The following RREB1 variants were observed in gnomAD, a reference collection of about 807,000 sequenced individuals.
RREB1 encodes ras-responsive element-binding protein 1.
A neutral mutation model predicts 117.8 loss-of-function variants in RREB1; 27 were observed. That is an observed-to-expected ratio of 0.23 (90% CI 0.17 to 0.32). The LOEUF (loss-of-function observed/expected upper bound fraction) is 0.32. Among genes scored for constraint, RREB1 ranks in the 10% least tolerant of loss-of-function variants. The pLI, the probability that RREB1 is intolerant of heterozygous loss-of-function variation, is 1.00. For synonymous variants in RREB1, 1,298 were observed against 1,026.7 expected (o/e 1.26, Z -5.05); for missense variants, 2,577 against 2,378.2 (o/e 1.08, Z -1.74).
At chr6:7,163,178 C>G (rs1360825563) in intron 1 of RREB1, among the ~76,000 whole-genome samples, 1 of 152,206 alleles carries the variant, frequency 6.6e-6, no homozygotes, top group East Asian at 1.9e-4. Flanking sequence ...AATAAAGAGA[C>G]AGTGAGTTTT....
intron 9 of RREB1, among the ~76,000 whole-genome samples, chr6:7,227,067 T>G (rs966995767): frequency 6.6e-6 from 1 of 151,978 alleles, no homozygotes; most frequent in African/African-American, 2.4e-5. Flanking sequence ...ACAGCAAGAC[T>G]TTATCTCTAC....
intron 6 of RREB1, among the ~76,000 whole-genome samples, chr6:7,189,540 A>G (rs546031871): frequency 8.5e-5 from 13 of 152,342 alleles, no homozygotes; most frequent in African/African-American, 2.4e-4. Context: ...CCTCAGGATG[A>G]AACACAGAGT....
At chr6:7,243,351 T>C (rs1419085282) in intron 11 of RREB1, among the ~76,000 whole-genome samples, 3 of 152,252 alleles carry the variant, frequency 2.0e-5, no homozygotes, top group Non-Finnish European at 2.9e-5. Context: ...GGGTTTATTA[T>C]CTACCAGGAT....
intron 4 of RREB1, among the ~76,000 whole-genome samples, chr6:7,187,048 G>T (rs1020450585): frequency 1.3e-5 from 2 of 152,110 alleles, no homozygotes; most frequent in Non-Finnish European, 2.9e-5. Flanking sequence ...GCTGGACTTG[G>T]GGAGAAATGT....
At chr6:7,194,030 A>C (rs559636948) in intron 6 of RREB1, among the ~76,000 whole-genome samples, 1 of 152,148 alleles carries the variant, frequency 6.6e-6, no homozygotes, top group East Asian at 1.9e-4. Context: ...TTTCAATGTT[A>C]AACTATTTCT....
At position 7,182,093 on chromosome 6, in the gene RREB1, A is replaced by T; in HGVS notation, c.171+11A>T. The T allele has an allele frequency of 6.8e-6, 11 of 1,613,146 alleles. No individual in the cohort carries two copies. The highest frequency in any genetic ancestry group is 9.3e-6 in the Non-Finnish European group (11 of 1,179,228). ...GGCAGAAGGAACCAGGTAAGTGTTCACACCTAGTGGTGACCTCTGGTGGGT... is the reference window on the plus strand; with the variant it reads ...GGCAGAAGGAACCAGGTAAGTGTTCTCACCTAGTGGTGACCTCTGGTGGGT... On this transcript the variant is annotated intron_variant, in intron 4 of 12. Transcript: ENST00000379938.
chr6:7,140,438 C>A (rs934767859), intron 1 of RREB1, among the ~76,000 whole-genome samples: 1 of 152,098 alleles, frequency 6.6e-6, no homozygotes, highest in African/African-American at 2.4e-5. Context: ...GGAGTTAGCA[C>A]AGTAACTCGT....
chr6:7,221,415 A>G (rs1021935901), intron 8 of RREB1, among the ~76,000 whole-genome samples: 1 of 148,660 alleles, frequency 6.7e-6, no homozygotes, highest in Non-Finnish European at 1.5e-5. Flanking sequence ...CTCATGATCC[A>G]CCCGCCTCGG....
chr6:7,153,292 C>T (rs1000328480), intron 1 of RREB1, among the ~76,000 whole-genome samples: 2 of 151,522 alleles, frequency 1.3e-5, no homozygotes, highest in African/African-American at 4.9e-5. Context: ...TTAAAGAGAT[C>T]ACTTTCTCCT....
chr6:7,192,618 T>G (rs953118472), intron 6 of RREB1, among the ~76,000 whole-genome samples: 3 of 152,228 alleles, frequency 2.0e-5, no homozygotes, highest in African/African-American at 7.2e-5. Flanking sequence ...TAATCCTTTT[T>G]ATTCTGTAGT....
chr6:7,129,135 G>T (rs780903734), intron 1 of RREB1, among the ~76,000 whole-genome samples: 8 of 152,164 alleles, frequency 5.3e-5, no homozygotes, highest in Non-Finnish European at 8.8e-5. Context: ...ATGCCATGTG[G>T]ACCCTGAGCC....
At chr6:7,228,400 TGGGTTGATATCAGTTATCACGC>T (rs1767711491) in intron 9 of RREB1, among the ~76,000 whole-genome samples, 2 of 151,784 alleles carry the variant, frequency 1.3e-5, no homozygotes, top group Non-Finnish European at 2.9e-5. Context: ...AGATACCCTG[TGGGTTGATATCAGTTATCACGC>T]AAACATGATT....
chr6:7,226,760 C>T (rs1268986525), intron 9 of RREB1, 104 bp downstream of exon 9: 17 of 905,866 alleles, frequency 1.9e-5, no homozygotes, highest in East Asian at 7.4e-5. Context: ...CTTAAAATGT[C>T]GGTTGGGCTT....
At chr6:7,222,183 C>T (rs957681317) in intron 8 of RREB1, among the ~76,000 whole-genome samples, 1 of 152,210 alleles carries the variant, frequency 6.6e-6, no homozygotes, top group Non-Finnish European at 1.5e-5. Flanking sequence ...ACCTAACTCA[C>T]TATATTTTCC....
intron 8 of RREB1, chr6:7,213,105 T>G (rs916071056): frequency 1.3e-5 from 2 of 152,160 alleles, no homozygotes; most frequent in African/African-American, 4.8e-5. Context: ...ATCCTTCAAA[T>G]TGAAGGAGGG....
intron 4 of RREB1, among the ~76,000 whole-genome samples, chr6:7,185,592 A>T (rs143491589): frequency 6.6e-6 from 1 of 151,982 alleles, no homozygotes; most frequent in Non-Finnish European, 1.5e-5. Context: ...AAAAGTTCCT[A>T]TTGCTCAGAA....
At chr6:7,120,470 A>ACACGG (rs1190292887) in intron 1 of RREB1, among the ~76,000 whole-genome samples, 4 of 152,174 alleles carry the variant, frequency 2.6e-5, no homozygotes, top group Non-Finnish European at 5.9e-5. Flanking sequence ...AAAAAAAAGT[A>ACACGG]CATGGCATGG....
chr6:7,179,742 A>T lies in RREB1; in HGVS notation c.-165-1382A>T, dbSNP rs113269236. On this transcript the variant is annotated intron_variant, in intron 2 of 12. Transcript: ENST00000379938. ...TCTACATGTTTTTTCCCTATAGAGAAATCACCCAAAATAAACCTTCAAAGA... is the reference window on the plus strand; with the variant it reads ...TCTACATGTTTTTTCCCTATAGAGATATCACCCAAAATAAACCTTCAAAGA... Among the ~76,000 whole-genome samples the T allele has an allele frequency of 7.7e-3, 1,169 of 152,248 alleles. 13 individuals carry two copies. The highest frequency in any genetic ancestry group is 0.025 in the African/African-American group (1,044 of 41,544).
chr6:7,227,736 A>G (rs575855041), intron 9 of RREB1, among the ~76,000 whole-genome samples: 3 of 152,328 alleles, frequency 2.0e-5, no homozygotes, highest in South Asian at 2.1e-4. Context: ...GAAAAGAGCC[A>G]TATATATTCA....
Sources: allele counts gnomAD v4.1 joint callset (sites outside exome capture counted in the v4.1 genomes callset), GRCh38; gene constraint gnomAD v4.1.1; transcripts MANE v1.5; gene names NCBI Gene and HGNC (gene_info 2026-07-23, HGNC 2026-07-21).